KCNN2: variants seen among roughly 807,000 people sequenced by gnomAD.
KCNN2 encodes small conductance calcium-activated potassium channel protein 2.
Under a neutral mutation model 55.5 loss-of-function variants are expected in KCNN2, and 24 were observed. The ratio of observed to expected loss-of-function variants is 0.43; its 90% CI spans 0.31 to 0.61. The LOEUF (loss-of-function observed/expected upper bound fraction) is 0.61, where lower values mean the gene tolerates loss of function less well. Among genes scored for constraint, KCNN2 ranks in the 20% least tolerant of loss-of-function variants. The probability of loss-of-function intolerance (pLI) is 0.08; values close to 1 mark genes in which losing one functional copy is unlikely to be tolerated. For synonymous variants in KCNN2, 431 were observed against 336.1 expected (o/e 1.28, Z -3.09); for missense variants, 754 against 853.6 (o/e 0.88, Z 1.45).
intron 1 of KCNN2, among the ~76,000 whole-genome samples, chr5:114,096,066 G>T (rs1311680102): frequency 1.3e-5 from 2 of 152,114 alleles, no homozygotes; most frequent in South Asian, 4.1e-4. Context: ...CACAGGTTGA[G>T]ATCACTGTCC....
At chr5:114,295,911 A>G (rs946469644) in intron 2 of KCNN2, among the ~76,000 whole-genome samples, 7 of 152,206 alleles carry the variant, frequency 4.6e-5, no homozygotes, top group Non-Finnish European at 8.8e-5. Context: ...AAGTAGTAAT[A>G]TGGATAAATA....
At chr5:114,488,851 T>C (rs905000009) in intron 6 of KCNN2, 3 of 152,182 alleles carry the variant, frequency 2.0e-5, no homozygotes, top group Admixed American at 2.0e-4. Flanking sequence ...ATTTTGGTAT[T>C]AACCTATATT....
chr5:114,334,234 G>A (rs893307180), intron 2 of KCNN2, among the ~76,000 whole-genome samples: 3 of 150,590 alleles, frequency 2.0e-5, no homozygotes, highest in Non-Finnish European at 2.9e-5. Context: ...TCTGACCCAC[G>A]ATGTGGAATC....
At chr5:114,177,353 G>C (rs959344141) in intron 1 of KCNN2, among the ~76,000 whole-genome samples, 1 of 151,948 alleles carries the variant, frequency 6.6e-6, no homozygotes, top group Non-Finnish European at 1.5e-5. Flanking sequence ...TAGCCAGGAT[G>C]GTCTCGATCT....
intron 1 of KCNN2, among the ~76,000 whole-genome samples, chr5:114,165,729 A>G (rs1395287829): frequency 6.6e-6 from 1 of 152,164 alleles, no homozygotes; most frequent in Non-Finnish European, 1.5e-5. Flanking sequence ...ACTTTTCTCT[A>G]GCTTACTTTA....
intron 1 of KCNN2, among the ~76,000 whole-genome samples, chr5:114,139,715 AT>A (rs971300762): frequency 2.7e-5 from 4 of 150,614 alleles, no homozygotes; most frequent in Admixed American, 6.6e-5. Context: ...ACACTTGTAT[AT>A]TTTTTTTTCA....
intron 2 of KCNN2, among the ~76,000 whole-genome samples, chr5:114,387,725 A>G (rs759814538): frequency 1.1e-4 from 16 of 152,182 alleles, no homozygotes; most frequent in Non-Finnish European, 1.5e-4. Context: ...ATAAGAAAGA[A>G]CAGAAGAAAG....
chr5:114,415,330 T>C (rs920858435), intron 3 of KCNN2, among the ~76,000 whole-genome samples: 1 of 152,196 alleles, frequency 6.6e-6, no homozygotes, highest in Admixed American at 6.5e-5. Flanking sequence ...TAGGTAGCCA[T>C]CTAAGAGTAT....
chr5:114,098,717 A>G (rs1201581420), intron 1 of KCNN2, among the ~76,000 whole-genome samples: 2 of 152,134 alleles, frequency 1.3e-5, no homozygotes, highest in African/African-American at 4.8e-5. Context: ...AGGATTGCCC[A>G]AAGAAAAAGA....
rs2112527716 is a variant in KCNN2 at position 114,159,014 on chromosome 5, G to T, written c.-270-62466G>T. Among the ~76,000 whole-genome samples, 3 of 152,112 alleles carry T rather than the reference G, an allele frequency of 2.0e-5. 1 individual carries two copies. The highest frequency in any genetic ancestry group is 1.9e-4 in the East Asian group (1 of 5,166). The stretch of plus-strand genomic sequence containing the variant: ...CTTTATTTCTTTCTCCTGCCTGATT[G>T]CCCTGGCCAGAACCTCCAACACTAT... On this transcript the variant is annotated intron_variant, in intron 1 of 10. Transcript: ENST00000512097.
rs187727511 is a variant in KCNN2, at chr5:114,225,136, G to A, written c.-185+3571G>A. On this transcript the variant is annotated intron_variant, in intron 2 of 10. Coordinates refer to the KCNN2 transcript ENST00000512097. ...CTTTAATTGATATCAAAGAAAGGAT[G>A]TAGTATCTATAAAAAGTAAGGCATT... is the stretch of plus-strand genomic sequence containing the variant. Among the ~76,000 whole-genome samples, 362 of 152,284 alleles carry A rather than the reference G, an allele frequency of 2.4e-3. 2 individuals are homozygous for A. Among genetic ancestry groups the A allele is most frequent in the Middle Eastern group, 0.01 (3 of 294 alleles).
chr5:114,436,528 C>T (rs999800807), intron 3 of KCNN2, among the ~76,000 whole-genome samples: 1 of 152,142 alleles, frequency 6.6e-6, no homozygotes, highest in Non-Finnish European at 1.5e-5. Context: ...CATTCAGAGT[C>T]CTGACTTTGG....
At chr5:114,128,160 C>A (rs1433320028) in intron 1 of KCNN2, among the ~76,000 whole-genome samples, 2 of 152,078 alleles carry the variant, frequency 1.3e-5, no homozygotes, top group Non-Finnish European at 2.9e-5. Flanking sequence ...CTACCTGGTA[C>A]CAATTTACTG....
At chr5:114,142,156 T>C (rs1273114169) in intron 1 of KCNN2, among the ~76,000 whole-genome samples, 6 of 152,244 alleles carry the variant, frequency 3.9e-5, no homozygotes, top group African/African-American at 1.2e-4. Flanking sequence ...TTTGTCAATT[T>C]TGGCTTTTGT....
intron 1 of KCNN2, among the ~76,000 whole-genome samples, chr5:114,118,870 A>G (rs1350707861): frequency 2.6e-5 from 4 of 152,130 alleles, no homozygotes; most frequent in African/African-American, 7.2e-5. Flanking sequence ...CAACTGAAAC[A>G]GGTGGCACCT....
chr5:114,297,394 A>G (rs1010542306), intron 2 of KCNN2, among the ~76,000 whole-genome samples: 20 of 152,246 alleles, frequency 1.3e-4, no homozygotes, highest in African/African-American at 4.6e-4. Context: ...TGTTGATTCA[A>G]TATATTAATG....
intron 1 of KCNN2, among the ~76,000 whole-genome samples, chr5:114,210,846 C>T (rs1437567069): frequency 2.0e-5 from 3 of 152,104 alleles, no homozygotes; most frequent in Non-Finnish European, 2.9e-5. Flanking sequence ...CGTAGCAGCT[C>T]ATAGCTTTGT....
chr5:114,267,148 A>G (rs1315284083), intron 2 of KCNN2, among the ~76,000 whole-genome samples: 4 of 152,122 alleles, frequency 2.6e-5, no homozygotes, highest in Non-Finnish European at 5.9e-5. Flanking sequence ...GGCGTATGCC[A>G]CAATGCCCAG....
At chr5:114,177,025 G>T (rs1753144015) in intron 1 of KCNN2, among the ~76,000 whole-genome samples, 1 of 151,542 alleles carries the variant, frequency 6.6e-6, no homozygotes, top group South Asian at 2.1e-4. Flanking sequence ...AGAGTAAATG[G>T]TCTACAATCA....
Sources: allele counts gnomAD v4.1 joint callset (sites outside exome capture counted in the v4.1 genomes callset), GRCh38; gene constraint gnomAD v4.1.1; transcripts MANE v1.5; gene names NCBI Gene and HGNC (gene_info 2026-07-23, HGNC 2026-07-21).